RHOU: variants seen among roughly 807,000 people sequenced by gnomAD.
The protein encoded by RHOU is rho-related GTP-binding protein RhoU.
RHOU carries 8 observed loss-of-function variants against 12.6 expected under a neutral mutation model. The ratio of observed to expected loss-of-function variants is 0.64; its 90% CI spans 0.37 to 1.15. The LOEUF is 1.15. Among genes scored for constraint, RHOU ranks in the 50% most tolerant of loss-of-function variants. RHOU has a pLI of 0.01. For missense variants in RHOU, 258 were observed against 347.0 expected (o/e 0.74, Z 2.04); for synonymous variants, 161 against 147.4 (o/e 1.09, Z -0.67).
chr1:228,695,281 T>A, the RHOU span, among the ~76,000 whole-genome samples: 2 of 152,094 alleles, frequency 1.3e-5, no homozygotes, highest in Non-Finnish European at 2.9e-5. Context: ...AGAGTAAGCG[T>A]TTTTGCCTAG....
the RHOU span, among the ~76,000 whole-genome samples, chr1:228,682,616 G>C: frequency 6.6e-6 from 1 of 152,116 alleles, no homozygotes; most frequent in Non-Finnish European, 1.5e-5. Context: ...AGATTGCAAA[G>C]AAACTTCTTA....
At chr1:228,718,583 T>A in the RHOU span, among the ~76,000 whole-genome samples, 2 of 152,090 alleles carry the variant, frequency 1.3e-5, no homozygotes, top group Non-Finnish European at 2.9e-5. Flanking sequence ...ATCAACAGGA[T>A]AAAGAAATGG....
the RHOU span, among the ~76,000 whole-genome samples, chr1:228,656,505 C>A: frequency 1.3e-5 from 2 of 151,792 alleles, no homozygotes; most frequent in African/African-American, 2.4e-5. Context: ...GTTTTTGGAC[C>A]CATAATACAT....
the RHOU span, chr1:228,652,674 A>C: frequency 2.0e-5 from 3 of 152,232 alleles, no homozygotes; most frequent in South Asian, 4.1e-4. Flanking sequence ...AAAGATGTCC[A>C]TAACTTCTAA....
the RHOU span, among the ~76,000 whole-genome samples, chr1:228,704,043 A>C: frequency 2.0e-5 from 3 of 152,150 alleles, no homozygotes; most frequent in South Asian, 6.2e-4. Context: ...TGCATATCTG[A>C]TTGCTTCCTC....
chr1:228,735,161 C>G (rs1327330668), upstream of RHOU: 1 of 152,204 alleles, frequency 6.6e-6, no homozygotes. The surrounding 1 kb of genome is among the most constrained non-coding windows in gnomAD (Gnocchi z 8.1). Flanking sequence ...GCCAGTCGCG[C>G]GGTGGTCACC....
At chr1:228,697,887 C>T in the RHOU span, among the ~76,000 whole-genome samples, 1 of 152,110 alleles carries the variant, frequency 6.6e-6, no homozygotes, top group African/African-American at 2.4e-5. Flanking sequence ...GTCACTGTAT[C>T]CTTAGGAATG....
At chr1:228,711,462 T>C in the RHOU span, among the ~76,000 whole-genome samples, 2 of 151,920 alleles carry the variant, frequency 1.3e-5, no homozygotes, top group East Asian at 1.9e-4. Context: ...AAAACAGAGA[T>C]ATAGATCAAT....
chr1:228,707,255 A>AC, the RHOU span, among the ~76,000 whole-genome samples: 18 of 40,700 alleles, frequency 4.4e-4, no homozygotes, highest in African/African-American at 1.8e-3. Context: ...ATATATATAT[A>AC]GTGTGTGTGT....
the RHOU span, among the ~76,000 whole-genome samples, chr1:228,648,760 T>C: frequency 6.6e-6 from 1 of 152,204 alleles, no homozygotes; most frequent in Non-Finnish European, 1.5e-5. Context: ...TTATAATCTA[T>C]TACTTCTACT....
chr1:228,728,397 A>G, the RHOU span, among the ~76,000 whole-genome samples: 1 of 152,256 alleles, frequency 6.6e-6, no homozygotes, highest in Non-Finnish European at 1.5e-5. Context: ...GTTAGTTAAA[A>G]TATTAAAACA....
chr1:228,742,434 T>G (rs1662742358), intron 2 of RHOU, among the ~76,000 whole-genome samples: 1 of 152,184 alleles, frequency 6.6e-6, no homozygotes, highest in South Asian at 2.1e-4. Flanking sequence ...ACTTATTCTA[T>G]CCACTTCTCT....
the RHOU span, among the ~76,000 whole-genome samples, chr1:228,663,438 A>G: frequency 6.6e-6 from 1 of 152,202 alleles, no homozygotes; most frequent in South Asian, 2.1e-4. Context: ...TTATCACAAT[A>G]TTCTCAACTC....
chr1:228,646,983 A>T, the RHOU span, among the ~76,000 whole-genome samples: 4 of 152,026 alleles, frequency 2.6e-5, no homozygotes, highest in East Asian at 7.9e-4. Flanking sequence ...ACAGAGGTAC[A>T]GAGGGAAGGC....
chr1:228,648,858 CTCTTTCTT>C, the RHOU span, among the ~76,000 whole-genome samples: 49,448 of 150,306 alleles, frequency 0.33, 8,352 homozygotes, highest in Middle Eastern at 0.42. Context: ...CTTCCTCTCT[CTCTTTCTT>C]TCTTTCTTTC....
the RHOU span, among the ~76,000 whole-genome samples, chr1:228,721,037 C>G: frequency 0.17 from 25,591 of 152,218 alleles, 2,823 homozygotes; most frequent in African/African-American, 0.31. Context: ...CACGGTGGCT[C>G]ACGCCTGTAA....
At chr1:228,720,227 T>C in the RHOU span, among the ~76,000 whole-genome samples, 1 of 152,214 alleles carries the variant, frequency 6.6e-6, no homozygotes, top group Non-Finnish European at 1.5e-5. Context: ...CAGTTTTTTG[T>C]GTGTGTACAA....
chr1:228,673,261 G>T, the RHOU span, among the ~76,000 whole-genome samples: 2 of 152,086 alleles, frequency 1.3e-5, no homozygotes, highest in Non-Finnish European at 2.9e-5. Context: ...AGTTTTGCTT[G>T]TTCTTGATCT....
Position 228,735,678 on chromosome 1 carries a change from G to A in RHOU, c.-65G>A. On this transcript the variant is annotated 5_prime_UTR_variant, in exon 1 of 3. Transcript: ENST00000366691. This position sits in a 1 kb window ranked among gnomAD's most constrained non-coding sequence, Gnocchi z 8.1. ...CAGCTCCTCCCTACCGCAACCCTCC[G>A]GGGCGGAGGGGCGGTCGGGCCGGGC... 5.2e-6 allele frequency: 6 copies of A among 1,163,260 alleles called. No homozygotes were observed. Among genetic ancestry groups the A allele is most frequent in the South Asian group, 4.3e-5 (1 of 23,134 alleles). The allele number at this position is 1,163,260 out of a possible 1,614,324, so 72.1% of individuals were successfully genotyped here. A position where few individuals can be genotyped will look rare whatever the true frequency, so the allele number is the denominator to read the frequency against.
Sources: allele counts gnomAD v4.1 joint callset (sites outside exome capture counted in the v4.1 genomes callset), GRCh38; gene constraint gnomAD v4.1.1; non-coding constraint Gnocchi (gnomAD v3.1); transcripts MANE v1.5; gene names NCBI Gene and HGNC (gene_info 2026-07-23, HGNC 2026-07-21).